Variants in CCSER1 observed in about 807,000 individuals in gnomAD.
The protein encoded by CCSER1 is coiled-coil serine rich protein 1.
CCSER1 carries 41 observed loss-of-function variants against 82.0 expected under a neutral mutation model. That is an observed-to-expected ratio of 0.50 (90% CI 0.39 to 0.65). CCSER1 has a LOEUF of 0.65. Ranked by LOEUF, CCSER1 falls within the 30% of genes least tolerant of loss-of-function variation. The probability of loss-of-function intolerance (pLI) is 0.00; values close to 1 mark genes in which losing one functional copy is unlikely to be tolerated. For synonymous variants in CCSER1, 414 were observed against 383.9 expected (o/e 1.08, Z -0.92); for missense variants, 1,119 against 1,064.2 (o/e 1.05, Z -0.72).
intron 7 of CCSER1, among the ~76,000 whole-genome samples, chr4:90,764,141 C>T (rs1473586354): frequency 6.6e-6 from 1 of 152,154 alleles, no homozygotes; most frequent in Non-Finnish European, 1.5e-5. Context: ...TTTTTCTGAA[C>T]ACCCAATATA....
chr4:90,349,766 A>G (rs1210178713), intron 3 of CCSER1, among the ~76,000 whole-genome samples: 1 of 152,064 alleles, frequency 6.6e-6, no homozygotes, highest in Non-Finnish European at 1.5e-5. Flanking sequence ...ACTAATTTTC[A>G]TTCTTGTGCT....
intron 1 of CCSER1, among the ~76,000 whole-genome samples, chr4:90,200,330 G>T (rs1247948031): frequency 3.3e-5 from 5 of 151,862 alleles, no homozygotes; most frequent in Non-Finnish European, 7.4e-5. Context: ...ATTAATAATG[G>T]CTTACTACAT....
At chr4:90,807,810 C>T (rs1183895438) in intron 7 of CCSER1, among the ~76,000 whole-genome samples, 1 of 152,002 alleles carries the variant, frequency 6.6e-6, no homozygotes, top group Non-Finnish European at 1.5e-5. Flanking sequence ...GTGAAAATGA[C>T]CATATTGTCC....
intron 1 of CCSER1, among the ~76,000 whole-genome samples, chr4:90,235,538 T>A (rs1363839692): frequency 2.0e-5 from 3 of 152,184 alleles, no homozygotes; most frequent in Non-Finnish European, 4.4e-5. Context: ...TTAACTACAT[T>A]AGATATTTTA....
chr4:91,277,581 G>T (rs1300548518), intron 10 of CCSER1, among the ~76,000 whole-genome samples: 8 of 79,802 alleles, frequency 1.0e-4, no homozygotes, highest in African/African-American at 9.5e-5. Context: ...TCTTTTTCTT[G>T]GTTAGTCTAG....
At chr4:90,710,368 A>C (rs1403398211) in intron 6 of CCSER1, among the ~76,000 whole-genome samples, 2 of 151,784 alleles carry the variant, frequency 1.3e-5, no homozygotes, top group African/African-American at 4.8e-5. Flanking sequence ...CTTTTGCTGA[A>C]ATTGCTTTTG....
At chr4:90,490,986 G>A (rs769540777) in intron 5 of CCSER1, among the ~76,000 whole-genome samples, 6 of 152,130 alleles carry the variant, frequency 3.9e-5, no homozygotes, top group Non-Finnish European at 8.8e-5. Flanking sequence ...TTTGGCTTAG[G>A]ATTGTCTTGG....
chr4:90,310,475 A>G (rs1249179207), intron 2 of CCSER1, among the ~76,000 whole-genome samples: 2 of 152,078 alleles, frequency 1.3e-5, no homozygotes, highest in Admixed American at 6.6e-5. Context: ...ATTATTCTGT[A>G]TACTTTATAT....
chr4:90,362,850 T>A (rs1745603940), intron 3 of CCSER1, among the ~76,000 whole-genome samples: 1 of 152,200 alleles, frequency 6.6e-6, no homozygotes, highest in African/African-American at 2.4e-5. Context: ...AACAGTATAA[T>A]ATCAATAGTT....
At chr4:90,583,575 A>G (rs1781659168) in intron 5 of CCSER1, among the ~76,000 whole-genome samples, 3 of 152,172 alleles carry the variant, frequency 2.0e-5, no homozygotes, top group Admixed American at 2.0e-4. Flanking sequence ...TTTCTGCCAA[A>G]CATGCTAAAA....
chr4:90,143,350 T>A (rs192021392), intron 1 of CCSER1, among the ~76,000 whole-genome samples: 4 of 152,286 alleles, frequency 2.6e-5, no homozygotes, highest in Non-Finnish European at 5.9e-5. Context: ...TTTCATAGTC[T>A]TTAAGGTAGC....
chr4:91,563,776 T>C (rs75838987), intron 10 of CCSER1, among the ~76,000 whole-genome samples: 10,708 of 151,816 alleles, frequency 0.071, 566 homozygotes, highest in South Asian at 0.16. Context: ...GCAAAGGACA[T>C]GCTCTCATAC....
intron 1 of CCSER1, among the ~76,000 whole-genome samples, chr4:90,231,230 A>T (rs2153427903): frequency 6.6e-6 from 1 of 152,248 alleles, no homozygotes; most frequent in Admixed American, 6.5e-5. Context: ...TCAATAAAAT[A>T]CTGGCAAACT....
intron 8 of CCSER1, among the ~76,000 whole-genome samples, chr4:90,911,868 A>T (rs1161808630): frequency 1.3e-5 from 2 of 152,132 alleles, no homozygotes; most frequent in African/African-American, 4.8e-5. Context: ...ACACCCATAG[A>T]GCCTCGCTCA....
chr4:90,774,230 A>G (rs995108767), intron 7 of CCSER1, among the ~76,000 whole-genome samples: 23 of 152,140 alleles, frequency 1.5e-4, no homozygotes, highest in Non-Finnish European at 2.9e-4. Flanking sequence ...GTTTAGGAAA[A>G]CAGCATGGTA....
At chr4:90,364,110 G>A (rs1380783451) in intron 3 of CCSER1, among the ~76,000 whole-genome samples, 1 of 152,028 alleles carries the variant, frequency 6.6e-6, no homozygotes, top group African/African-American at 2.4e-5. Context: ...CATAGTGGGA[G>A]GAGAGAGCTT....
chr4:91,241,946 T>C (rs1255575091), intron 10 of CCSER1, among the ~76,000 whole-genome samples: 1 of 150,734 alleles, frequency 6.6e-6, no homozygotes, highest in Non-Finnish European at 1.5e-5. Flanking sequence ...TCTGCATATA[T>C]TACACACACA....
chr4:90,443,089 T>G (rs1480795856), intron 4 of CCSER1, among the ~76,000 whole-genome samples: 1 of 152,120 alleles, frequency 6.6e-6, no homozygotes, highest in African/African-American at 2.4e-5. Flanking sequence ...AGTAAGAGAT[T>G]AACAACAACA....
intron 4 of CCSER1, among the ~76,000 whole-genome samples, chr4:90,436,704 T>C (rs1028548813): frequency 2.0e-5 from 3 of 152,188 alleles, no homozygotes; most frequent in Non-Finnish European, 4.4e-5. Context: ...ATCTATAGAA[T>C]GATGTAAGAG....
Sources: gnomAD v4.1 joint callset for allele counts (sites outside exome capture counted in the v4.1 genomes callset) on GRCh38, gnomAD v4.1.1 for gene constraint, MANE v1.5 for transcripts, NCBI Gene and HGNC (gene_info 2026-07-23, HGNC 2026-07-21) for gene names.